AFG2A: variants seen among roughly 807,000 people sequenced by gnomAD.
AFG2A encodes AAA ATPase AFG2A.
the AFG2A span, among the ~76,000 whole-genome samples, chr4:123,209,873 C>T: frequency 1.3e-5 from 2 of 151,992 alleles, no homozygotes; most frequent in African/African-American, 4.8e-5. Context: ...ATCTCTTGTC[C>T]TTTGAGCCTT....
chr4:123,005,032 A>G, the AFG2A span, among the ~76,000 whole-genome samples: 2 of 152,148 alleles, frequency 1.3e-5, no homozygotes, highest in East Asian at 1.9e-4. Flanking sequence ...TATTTTTAAT[A>G]TCTGTTGGAT....
the AFG2A span, among the ~76,000 whole-genome samples, chr4:123,062,604 C>T: frequency 6.6e-6 from 1 of 152,042 alleles, no homozygotes; most frequent in Non-Finnish European, 1.5e-5. Flanking sequence ...TATGGTATAG[C>T]AATAGGCTAT....
At chr4:123,218,501 G>A in the AFG2A span, among the ~76,000 whole-genome samples, 1 of 152,082 alleles carries the variant, frequency 6.6e-6, no homozygotes, top group South Asian at 2.1e-4. Context: ...ACTCCTTCGT[G>A]GTGGAGATGG....
At chr4:122,930,596 G>T in the AFG2A span, among the ~76,000 whole-genome samples, 65,219 of 152,062 alleles carry the variant, frequency 0.43, 16,914 homozygotes, top group Non-Finnish European at 0.57. Context: ...CAGAAGCTTT[G>T]TATATATTGC....
At chr4:123,110,498 A>G in the AFG2A span, among the ~76,000 whole-genome samples, 1 of 152,216 alleles carries the variant, frequency 6.6e-6, no homozygotes, top group Non-Finnish European at 1.5e-5. Flanking sequence ...ACTGAATTTT[A>G]TAGGTATATC....
the AFG2A span, chr4:122,947,558 TTA>T: frequency 7.5e-7 from 1 of 1,337,892 alleles, no homozygotes; most frequent in African/African-American, 1.5e-5. Flanking sequence ...TACAAATAAT[TTA>T]TATTTTACAG....
the AFG2A span, among the ~76,000 whole-genome samples, chr4:123,205,090 T>C: frequency 6.6e-6 from 1 of 152,220 alleles, no homozygotes; most frequent in Non-Finnish European, 1.5e-5. Context: ...AGATATATCA[T>C]AAATAAATAT....
chr4:123,242,071 G>T, the AFG2A span, among the ~76,000 whole-genome samples: 5 of 152,020 alleles, frequency 3.3e-5, no homozygotes, highest in Non-Finnish European at 7.4e-5. Context: ...AACTTACAAG[G>T]GATGGGAAGG....
At chr4:123,066,203 A>G in the AFG2A span, among the ~76,000 whole-genome samples, 24 of 152,324 alleles carry the variant, frequency 1.6e-4, no homozygotes, top group East Asian at 2.1e-3. Context: ...TTAAAATAAT[A>G]ATCAGGAAAT....
At chr4:123,170,077 T>G in the AFG2A span, among the ~76,000 whole-genome samples, 16 of 152,326 alleles carry the variant, frequency 1.1e-4, no homozygotes, top group African/African-American at 3.8e-4. Flanking sequence ...CAAGTAGAGC[T>G]CTGTCATTCC....
At chr4:122,925,392 C>T in the AFG2A span, among the ~76,000 whole-genome samples, 933 of 152,272 alleles carry the variant, frequency 6.1e-3, 12 homozygotes, top group African/African-American at 0.021. Flanking sequence ...TGCTTTTCAT[C>T]CCTTTCTGGG....
chr4:122,975,272 G>GAAGGGTAAGAAA, the AFG2A span, among the ~76,000 whole-genome samples: 1,821 of 152,204 alleles, frequency 0.012, 42 homozygotes, highest in African/African-American at 0.041. Context: ...TCACATAGCA[G>GAAGGGTAAGAAA]AAGGGTAAGA....
the AFG2A span, among the ~76,000 whole-genome samples, chr4:123,214,475 T>C: frequency 6.6e-6 from 1 of 151,968 alleles, no homozygotes; most frequent in East Asian, 1.9e-4. Context: ...ACACCACAGG[T>C]TTGAATTGCA....
At chr4:122,986,102 C>T in the AFG2A span, among the ~76,000 whole-genome samples, 4 of 151,870 alleles carry the variant, frequency 2.6e-5, no homozygotes, top group Admixed American at 6.6e-5. Context: ...CTTTTGGAGT[C>T]GGTTTCCAAT....
chr4:123,159,138 T>C, the AFG2A span, among the ~76,000 whole-genome samples: 135,872 of 152,176 alleles, frequency 0.89, 60,931 homozygotes, highest in East Asian at 0.98. Flanking sequence ...AAATCAGGCC[T>C]GATTAAAAGT....
chr4:122,998,651 T>C, the AFG2A span, among the ~76,000 whole-genome samples: 1 of 152,230 alleles, frequency 6.6e-6, no homozygotes, highest in Non-Finnish European at 1.5e-5. Flanking sequence ...TCATCATTTT[T>C]TATGGCTGCA....
the AFG2A span, among the ~76,000 whole-genome samples, chr4:123,003,826 C>G: frequency 1.3e-5 from 2 of 152,158 alleles, no homozygotes; most frequent in African/African-American, 4.8e-5. Flanking sequence ...AAAACCACTG[C>G]TGTCCTGAAA....
At chr4:122,939,130 G>A in the AFG2A span, among the ~76,000 whole-genome samples, 1 of 128,730 alleles carries the variant, frequency 7.8e-6, no homozygotes, top group South Asian at 2.4e-4. Context: ...TTGTTGCCCA[G>A]GCTGGAGTGC....
At chr4:123,046,894 G>A in the AFG2A span, among the ~76,000 whole-genome samples, 1 of 152,064 alleles carries the variant, frequency 6.6e-6, no homozygotes, top group Admixed American at 6.6e-5. Flanking sequence ...TAAAGTATTT[G>A]TCTTTTCTGT....
Sources: gnomAD v4.1 joint callset for allele counts (sites outside exome capture counted in the v4.1 genomes callset) on GRCh38, gnomAD v4.1.1 for gene constraint, MANE v1.5 for transcripts, NCBI Gene and HGNC (gene_info 2026-07-23, HGNC 2026-07-21) for gene names.